MEF2A: variants seen among roughly 807,000 people sequenced by gnomAD.
MEF2A encodes the protein myocyte enhancer factor 2A.
In MEF2A, 28 loss-of-function variants were observed where a neutral mutation model predicts 55.8. That is an observed-to-expected ratio of 0.50 (90% CI 0.37 to 0.69). The LOEUF is 0.69. Ranked by LOEUF, MEF2A falls within the 30% of genes least tolerant of loss-of-function variation. The pLI is 0.00. For synonymous variants in MEF2A, 239 were observed against 227.1 expected (o/e 1.05, Z -0.47); for missense variants, 528 against 626.2 (o/e 0.84, Z 1.67).
chr15:99,614,131 A>G (rs1247012170), intron 2 of MEF2A, among the ~76,000 whole-genome samples: 2 of 152,334 alleles, frequency 1.3e-5, no homozygotes, highest in African/African-American at 2.4e-5. Context: ...GATGCCATCT[A>G]CCTCACAGGG....
chr15:99,705,178 G>A (rs970955616), intron 9 of MEF2A, among the ~76,000 whole-genome samples: 2 of 152,200 alleles, frequency 1.3e-5, no homozygotes, highest in African/African-American at 4.8e-5. Context: ...ACTAAAGACT[G>A]TACTGTTAAG....
At chr15:99,623,818 T>C (rs557367002) in intron 2 of MEF2A, among the ~76,000 whole-genome samples, 1 of 152,258 alleles carries the variant, frequency 6.6e-6, no homozygotes, top group Admixed American at 6.5e-5. Flanking sequence ...TTTTTTTTTT[T>C]TTAATTGAGA....
At chr15:99,605,093 G>A (rs142002944) in intron 2 of MEF2A, among the ~76,000 whole-genome samples, 150 of 152,206 alleles carry the variant, frequency 9.9e-4, no homozygotes, top group Non-Finnish European at 1.9e-3. Context: ...CTACAGTCAC[G>A]CATCACCACA....
At position 99,582,342 on chromosome 15, in the gene MEF2A, C is replaced by T. The variant is rs538080148; in HGVS notation, c.-224-16088C>T. Among the ~76,000 whole-genome samples, 11 of 152,178 alleles carry T rather than the reference C, an allele frequency of 7.2e-5. No individual in the cohort carries two copies. The East Asian group carries it at 1.4e-3, about 19-fold the overall frequency. Reference sequence around the variant, plus strand: ...AAGATGGGGGTAAAGATTGTCCTTTCGTCATTCTTCCTTGTATCCCGCTTT... The same window carrying T: ...AAGATGGGGGTAAAGATTGTCCTTTTGTCATTCTTCCTTGTATCCCGCTTT... On this transcript the variant is annotated intron_variant, in intron 1 of 11. Coordinates refer to ENST00000557942, the MANE Select transcript of MEF2A (RefSeq NM_001319206.4).
chr15:99,636,534 A>G (rs1210889763), intron 3 of MEF2A, among the ~76,000 whole-genome samples: 3 of 152,038 alleles, frequency 2.0e-5, no homozygotes, highest in Admixed American at 6.6e-5. Context: ...TTTTGTAGAG[A>G]TGGTGTCTCG....
chr15:99,673,847 G>A (rs941610997), intron 5 of MEF2A, among the ~76,000 whole-genome samples: 2 of 135,998 alleles, frequency 1.5e-5, no homozygotes, highest in African/African-American at 5.0e-5. Flanking sequence ...GCATTGTTAT[G>A]TATATAATTA....
At chr15:99,607,221 T>G (rs569710756) in intron 2 of MEF2A, among the ~76,000 whole-genome samples, 2 of 152,160 alleles carry the variant, frequency 1.3e-5, no homozygotes, top group East Asian at 3.9e-4. Flanking sequence ...TCAGGAAAAT[T>G]GTTGACTTCT....
chr15:99,612,841 T>A (rs559586600), intron 2 of MEF2A, among the ~76,000 whole-genome samples: 1 of 152,134 alleles, frequency 6.6e-6, no homozygotes, highest in African/African-American at 2.4e-5. Flanking sequence ...CTCCCTACTT[T>A]GGTGTGTTGA....
intron 1 of MEF2A, among the ~76,000 whole-genome samples, chr15:99,580,376 A>C (rs1242352529): frequency 6.6e-6 from 1 of 152,144 alleles, no homozygotes. Flanking sequence ...GCATAGATAC[A>C]CTTGCACCAC....
chr15:99,712,361 A>C lies in MEF2A; in HGVS notation c.1137-29A>C. On this transcript the variant is annotated intron_variant, in intron 11 of 11. Coordinates refer to ENST00000557942, the MANE Select transcript of MEF2A (RefSeq NM_001319206.4). The surrounding 1 kb of genome is among the most constrained non-coding windows in gnomAD (Gnocchi z 4.1). ...AGTTTTGCAGAGGTACTTGCAAGCCATCTGACCTCTCTCTTTTTTTTCCTT... is the reference window on the plus strand; with the variant it reads ...AGTTTTGCAGAGGTACTTGCAAGCCCTCTGACCTCTCTCTTTTTTTTCCTT... 1 of 1,501,752 alleles carries C rather than the reference A, an allele frequency of 6.7e-7. No homozygotes were observed. The highest frequency in any genetic ancestry group is 8.9e-7 in the Non-Finnish European group (1 of 1,118,798). The allele number at this position is 1,501,752 out of a possible 1,614,324, so 93.0% of individuals were successfully genotyped here.
chr15:99,609,169 G>T lies in MEF2A; in HGVS notation c.-143+10658G>T, dbSNP rs547190669. On this transcript the variant is annotated intron_variant, in intron 2 of 11. Transcript: ENST00000557942. Reference sequence around the variant, plus strand: ...TCTTGGCCCCAGGCCCATGTGCATGGCATGACATTGTTCATAATGGCTTTG... The same window carrying T: ...TCTTGGCCCCAGGCCCATGTGCATGTCATGACATTGTTCATAATGGCTTTG... Among the ~76,000 whole-genome samples, 11 of 152,296 alleles carry T rather than the reference G, an allele frequency of 7.2e-5. 1 individual carries two copies. The highest frequency in any genetic ancestry group is 2.6e-4 in the African/African-American group (11 of 41,574).
At chr15:99,675,355 A>G (rs754584274) in intron 6 of MEF2A, 44 bp from the exon 7 acceptor site, 14 of 1,517,946 alleles carry the variant, frequency 9.2e-6, no homozygotes, top group South Asian at 2.2e-5. Flanking sequence ...GAGCTAATTC[A>G]TATTCATTCT....
At chr15:99,597,460 A>G (rs1971591711) in intron 1 of MEF2A, among the ~76,000 whole-genome samples, 1 of 152,110 alleles carries the variant, frequency 6.6e-6, no homozygotes, top group Non-Finnish European at 1.5e-5. Context: ...TATCAGTGAC[A>G]ATGGTGCCCG....
At chr15:99,595,695 A>G (rs1426870081) in intron 1 of MEF2A, among the ~76,000 whole-genome samples, 1 of 152,212 alleles carries the variant, frequency 6.6e-6, no homozygotes, top group Non-Finnish European at 1.5e-5. Flanking sequence ...AACTACAATA[A>G]TTTTACCCCC....
chr15:99,584,986 T>A (rs1229953337), intron 1 of MEF2A, among the ~76,000 whole-genome samples: 2 of 152,142 alleles, frequency 1.3e-5, no homozygotes, highest in Non-Finnish European at 2.9e-5. Flanking sequence ...TGGGTATTTC[T>A]TGGCATTACT....
At chr15:99,613,024 G>C (rs559273498) in intron 2 of MEF2A, among the ~76,000 whole-genome samples, 2 of 152,134 alleles carry the variant, frequency 1.3e-5, no homozygotes, top group Non-Finnish European at 2.9e-5. Flanking sequence ...ATTGCAGTGC[G>C]TAGATATAAT....
In MEF2A at chr15:99,715,409, C is replaced by T. The variant is rs1294412767; in HGVS notation, c.*2638C>T. On this transcript the variant is annotated 3_prime_UTR_variant, in exon 12 of 12. Transcript: ENST00000557942. The stretch of plus-strand genomic sequence containing the variant: ...TACTGTTTTCTAAAATACTACTACT[C>T]AAGGCTCGGAGTTTGTATTTAAATT... The T allele has an allele frequency of 2.0e-5, 3 of 152,208 alleles. No homozygotes were observed. Among genetic ancestry groups the T allele is most frequent in the Non-Finnish European group, 2.9e-5 (2 of 68,036 alleles). 9.4% of individuals were successfully genotyped at this position (152,208 alleles called of 1,614,324 possible). A position where few individuals can be genotyped will look rare whatever the true frequency, so the allele number is the denominator to read the frequency against.
chr15:99,627,639 A>G (rs1232079097), intron 2 of MEF2A, among the ~76,000 whole-genome samples: 1 of 152,144 alleles, frequency 6.6e-6, no homozygotes, highest in African/African-American at 2.4e-5. Context: ...AGAATATTAG[A>G]ATTACATTTA....
chr15:99,602,643 A>G (rs1973492372), intron 2 of MEF2A, among the ~76,000 whole-genome samples: 1 of 130,560 alleles, frequency 7.7e-6, no homozygotes, highest in African/African-American at 2.9e-5. Context: ...TGGTTGCCTG[A>G]CATTCCTGGG....
Sources: allele counts gnomAD v4.1 joint callset (sites outside exome capture counted in the v4.1 genomes callset), GRCh38; gene constraint gnomAD v4.1.1; non-coding constraint Gnocchi (gnomAD v3.1); transcripts MANE v1.5; gene names NCBI Gene and HGNC (gene_info 2026-07-23, HGNC 2026-07-21).